Variants in ISOC2 observed in about 807,000 individuals in gnomAD.
ISOC2 encodes the protein isochorismatase domain containing 2.
Under a neutral mutation model 19.3 loss-of-function variants are expected in ISOC2, and 15 were observed. The observed-to-expected ratio is 0.78, with a 90% CI of 0.52 to 1.20. The LOEUF (loss-of-function observed/expected upper bound fraction) is 1.20. Ranked by LOEUF, ISOC2 falls within the 50% of genes most tolerant of loss-of-function variation. The pLI, the probability that ISOC2 is intolerant of heterozygous loss-of-function variation, is 0.00. For synonymous variants in ISOC2, 106 were observed against 115.8 expected (o/e 0.92, Z 0.54); for missense variants, 285 against 272.4 (o/e 1.05, Z -0.33).
chr19:55,454,790 T>C, intron 5 of ISOC2, 199 bp downstream of exon 5: 1 of 594,534 alleles, frequency 1.7e-6, no homozygotes, highest in East Asian at 2.8e-5. Context: ...CCCATTTTAT[T>C]GTTCTCTGTG....
At chr19:55,457,549 C>A (rs1986100278) in intron 1 of ISOC2, among the ~76,000 whole-genome samples, 1 of 151,588 alleles carries the variant, frequency 6.6e-6, no homozygotes, top group Non-Finnish European at 1.5e-5. Context: ...AAAAAAGAGA[C>A]TGGGCTTGGT....
chr19:55,454,967 G>T (rs1409947470), intron 5 of ISOC2, 22 bp downstream of exon 5: 1 of 1,528,900 alleles, frequency 6.5e-7, no homozygotes, highest in Non-Finnish European at 9.1e-7. Flanking sequence ...AGGGGAGGTG[G>T]GGGCGGCCAG....
intron 1 of ISOC2, among the ~76,000 whole-genome samples, chr19:55,457,990 A>G (rs898995544): frequency 2.0e-5 from 3 of 151,830 alleles, no homozygotes; most frequent in African/African-American, 2.4e-5. Context: ...CATGACTATG[A>G]ATGCCACTCC....
At chr19:55,453,886 GC>G (rs377561930) in intron 5 of ISOC2, 2 of 152,188 alleles carry the variant, frequency 1.3e-5, no homozygotes, top group East Asian at 3.9e-4. Flanking sequence ...AAAAAAGCCT[GC>G]ATCCCCCCTG....
chr19:55,460,842 A>C (rs1428427966), intron 1 of ISOC2, among the ~76,000 whole-genome samples: 1 of 152,154 alleles, frequency 6.6e-6, no homozygotes, highest in Non-Finnish European at 1.5e-5. Flanking sequence ...AGAGAGCAGG[A>C]GGTCGGCGCT....
chr19:55,453,492 GGCTAGCAGCT>G, intron 5 of ISOC2, 104 bp from the exon 6 acceptor site: 2 of 752,476 alleles, frequency 2.7e-6, no homozygotes, highest in Non-Finnish European at 4.1e-6. Flanking sequence ...CGGACCTTCT[GGCTAGCAGCT>G]GCCCAAGACA....
chr19:55,453,108 A>G lies in ISOC2; in HGVS notation c.*200T>C, dbSNP rs1985915052. ...CCCCGCCTCCATCTTGGCTCAGCCAATTCCCACCCAGTTTCCAGGAGTCTC... is the reference window on the plus strand; with the variant it reads ...CCCCGCCTCCATCTTGGCTCAGCCAGTTCCCACCCAGTTTCCAGGAGTCTC... On this transcript the variant is annotated 3_prime_UTR_variant, in exon 6 of 6. Coordinates refer to ENST00000425675, the MANE Select transcript of ISOC2 (RefSeq NM_001136201.2). The G allele has an allele frequency of 1.9e-6, 1 of 518,108 alleles. No individual in the cohort carries two copies. Among genetic ancestry groups the G allele is most frequent in the Admixed American group, 3.9e-5 (1 of 25,340 alleles). 32.1% of individuals were successfully genotyped at this position (518,108 alleles called of 1,614,324 possible).
At position 55,453,194 on chromosome 19, in the gene ISOC2, G is replaced by A. The variant is rs1001734161; in HGVS notation, c.*114C>T. On this transcript the variant is annotated 3_prime_UTR_variant, in exon 6 of 6. Coordinates refer to ENST00000425675, the MANE Select transcript of ISOC2 (RefSeq NM_001136201.2). ...GCAGCACCCTGCCCCCCCCACAAGG[G>A]GGCGGCACTCCTGGTGGATCGCACC... 56 of 658,490 alleles carry A rather than the reference G, an allele frequency of 8.5e-5. No homozygotes were observed. In the African/African-American group the frequency reaches 8.9e-4, roughly 11 times the overall value. 40.8% of individuals were successfully genotyped at this position (658,490 alleles called of 1,614,324 possible).
chr19:55,457,448 C>T (rs186558648), intron 1 of ISOC2, among the ~76,000 whole-genome samples: 90 of 152,020 alleles, frequency 5.9e-4, no homozygotes, highest in African/African-American at 2.1e-3. Context: ...GCAGGAGAAT[C>T]GCTTGAAGCC....
At chr19:55,459,857 G>A (rs79596227) in intron 1 of ISOC2, 8,207 of 152,372 alleles carry the variant, frequency 0.054, 328 homozygotes, top group African/African-American at 0.11. Flanking sequence ...CTCTGCTGAG[G>A]GCAGTGAGGA....
In ISOC2 at chr19:55,453,076, G is replaced by A. The variant is rs1307951556; in HGVS notation, c.*232C>T. 1.0e-5 allele frequency: 5 copies of A among 487,800 alleles called. No homozygotes were observed. The highest frequency in any genetic ancestry group is 1.8e-5 in the Non-Finnish European group (5 of 276,668). 30.2% of individuals were successfully genotyped at this position (487,800 alleles called of 1,614,324 possible). On this transcript the variant is annotated 3_prime_UTR_variant, in exon 6 of 6. Transcript: ENST00000425675. ...CTTCCCGCCCCGTGAAGTGGCCCGG[G>A]GCCGAGCCCCGCCTCCATCTTGGCT...
rs748982955 is a variant in ISOC2 at position 55,454,971 on chromosome 19, C to T, written c.537+18G>A. ...TTGACAGATGCAGGGGAGGTGGGGG[C>T]GGCCAGGCGGGCATTACCTCCTTGA... On this transcript the variant is annotated intron_variant, in intron 5 of 5. Coordinates refer to ENST00000425675, the MANE Select transcript of ISOC2 (RefSeq NM_001136201.2). 1.0e-5 allele frequency: 16 copies of T among 1,556,104 alleles called. No homozygotes were observed. Among genetic ancestry groups the T allele is most frequent in the African/African-American group, 4.1e-5 (3 of 73,760 alleles).
chr19:55,459,792 T>A (rs908772752), intron 1 of ISOC2: 1 of 152,274 alleles, frequency 6.6e-6, no homozygotes, highest in African/African-American at 2.4e-5. Flanking sequence ...GGGATGGTTC[T>A]GAGGGAACCA....
At chr19:55,454,891 G>T in intron 5 of ISOC2, 98 bp downstream of exon 5, 1 of 891,228 alleles carries the variant, frequency 1.1e-6, no homozygotes. Flanking sequence ...GCTCCCCCTG[G>T]AGGCGGCAGC....
rs537689871 is a variant in ISOC2 at position 55,455,263 on chromosome 19, C to A, written c.416G>T (p.Arg139Leu). The part of the protein sequence containing the change: ...VHVVVDACSS[R>L]SQVDRLVALA... ...ACCCAGGCAGGGGCCCTCTCACCTG[C>A]GTGAGGAGCAGGCGTCCACCACCAC... Residue 139 changes from arginine to leucine, a missense_variant, in exon 4 of 6, where the codon CGC becomes CTC. Physicochemically the swap from Arg to Leu is moderately radical, Grantham distance 102. Transcript: ENST00000425675. The A allele has an allele frequency of 2.5e-6, 4 of 1,610,412 alleles. No homozygotes were observed. Among genetic ancestry groups the A allele is most frequent in the Non-Finnish European group, 3.4e-6 (4 of 1,178,236 alleles).
At chr19:55,461,471 G>A (rs1157165425) in intron 1 of ISOC2, 41 bp downstream of exon 1, 1 of 152,266 alleles carries the variant, frequency 6.6e-6, no homozygotes, top group African/African-American at 2.4e-5. Flanking sequence ...TAGGCGGTAA[G>A]GTCGGTCTCC....
chr19:55,453,619 C>T (rs1448187308), intron 5 of ISOC2: 6 of 392,504 alleles, frequency 1.5e-5, no homozygotes, highest in Non-Finnish European at 2.7e-5. Context: ...GCTTGGACCA[C>T]TAAGGGTGGA....
At chr19:55,458,867 T>C (rs1261698955) in intron 1 of ISOC2, among the ~76,000 whole-genome samples, 1 of 151,850 alleles carries the variant, frequency 6.6e-6, no homozygotes, top group Non-Finnish European at 1.5e-5. Flanking sequence ...AGGACACTGT[T>C]GTTCCTTGTC....
intron 1 of ISOC2, among the ~76,000 whole-genome samples, chr19:55,459,216 C>T (rs528535110): frequency 1.3e-4 from 20 of 151,754 alleles, no homozygotes; most frequent in Middle Eastern, 3.4e-3. Context: ...GGATTACAAG[C>T]GTGAGCCACC....
Sources: gnomAD v4.1 joint callset for allele counts (sites outside exome capture counted in the v4.1 genomes callset) on GRCh38, gnomAD v4.1.1 for gene constraint, MANE v1.5 for transcripts, NCBI Gene and HGNC (gene_info 2026-07-23, HGNC 2026-07-21) for gene names.